The following PFKP variants were observed in gnomAD, a reference collection of about 807,000 sequenced individuals.
PFKP encodes ATP-dependent 6-phosphofructokinase, platelet type.
A neutral mutation model predicts 94.3 loss-of-function variants in PFKP; 101 were observed. That is an observed-to-expected ratio of 1.07 (90% CI 0.91 to 1.26). The LOEUF (loss-of-function observed/expected upper bound fraction) is 1.26. Among genes scored for constraint, PFKP ranks in the 50% most tolerant of loss-of-function variants. The pLI, the probability that PFKP is intolerant of heterozygous loss-of-function variation, is 0.00. For missense variants in PFKP, 1,145 were observed against 1,103.3 expected (o/e 1.04, Z -0.53); for synonymous variants, 573 against 432.6 (o/e 1.32, Z -4.03).
intron 16 of PFKP, among the ~76,000 whole-genome samples, chr10:3,125,965 G>A (rs1837903280): frequency 6.6e-6 from 1 of 152,324 alleles, no homozygotes; most frequent in South Asian, 2.1e-4. Context: ...TGGCCACCTG[G>A]TGCGAGGGAC....
intron 9 of PFKP, among the ~76,000 whole-genome samples, 195 bp downstream of exon 9, chr10:3,108,988 G>A (rs111743996): frequency 0.016 from 2,448 of 152,304 alleles, 65 homozygotes; most frequent in African/African-American, 0.056. Flanking sequence ...CAGATGCGGG[G>A]AGAGCTCCCT....
At chr10:3,094,563 G>C (rs1320352631) in intron 2 of PFKP, among the ~76,000 whole-genome samples, 2 of 152,158 alleles carry the variant, frequency 1.3e-5, no homozygotes. Context: ...GGTGAGCAGG[G>C]CTTGGGATGT....
Position 3,125,061 on chromosome 10 carries a change from G to A in PFKP, c.1684-4758G>A, listed in dbSNP as rs563335506. The A allele has an allele frequency of 2.0e-4, 238 of 1,190,354 alleles. 1 individual carries two copies. In the East Asian group the frequency reaches 3.1e-3, roughly 16 times the overall value. The allele number at this position is 1,190,354 out of a possible 1,614,324, so 73.7% of individuals were successfully genotyped here. On this transcript the variant is annotated intron_variant, in intron 16 of 21. Coordinates refer to ENST00000381125, the MANE Select transcript of PFKP (RefSeq NM_002627.5). ...CCCTGGGGCTGGCAGGTGAGCACCC[G>A]GCACCCCCGCTAACCGCTTGGCCCT...
intron 5 of PFKP, 176 bp from the exon 6 acceptor site, chr10:3,104,939 G>A: frequency 1.5e-6 from 1 of 686,228 alleles, no homozygotes; most frequent in East Asian, 2.7e-5. Context: ...CATAGCGTTT[G>A]CCTTAGTAGA....
intron 20 of PFKP, among the ~76,000 whole-genome samples, 190 bp from the exon 21 acceptor site, chr10:3,135,546 C>G (rs750715557): frequency 1.3e-5 from 2 of 152,214 alleles, no homozygotes; most frequent in African/African-American, 2.4e-5. Flanking sequence ...TCGGGGCAGT[C>G]CCACAGGAGC....
chr10:3,100,579 C>A (rs1433325326), intron 3 of PFKP, among the ~76,000 whole-genome samples: 1 of 152,162 alleles, frequency 6.6e-6, no homozygotes, highest in Non-Finnish European at 1.5e-5. Context: ...AGACCGAAGG[C>A]AGGGAGAGCT....
chr10:3,129,732 T>C, intron 16 of PFKP, 87 bp from the exon 17 acceptor site: 2 of 1,436,042 alleles, frequency 1.4e-6, no homozygotes, highest in Non-Finnish European at 1.9e-6. Flanking sequence ...TGGGGGGGCC[T>C]TGCTGCACTC....
intron 17 of PFKP, among the ~76,000 whole-genome samples, chr10:3,131,359 ACATGACT>A (rs1168089496): frequency 6.6e-6 from 1 of 152,222 alleles, no homozygotes; most frequent in Admixed American, 6.5e-5. Flanking sequence ...TCCCCCTGTT[ACATGACT>A]CATGACCGTA....
chr10:3,128,063 C>T (rs9423694), intron 16 of PFKP, among the ~76,000 whole-genome samples: 4,771 of 152,204 alleles, frequency 0.031, 131 homozygotes, highest in Non-Finnish European at 0.052. Context: ...CATGGAGGCC[C>T]ATTAGGGAAT....
At chr10:3,112,340 C>A in intron 11 of PFKP, 54 bp downstream of exon 11, 1 of 1,346,740 alleles carries the variant, frequency 7.4e-7, no homozygotes, top group Non-Finnish European at 1.1e-6. Context: ...CCCCTCAGGC[C>A]CAGCCACTGC....
chr10:3,082,236 C>T (rs1399026025), intron 1 of PFKP, 152 bp from the exon 2 acceptor site: 2 of 483,592 alleles, frequency 4.1e-6, no homozygotes, highest in Admixed American at 7.3e-5. Flanking sequence ...TAGTCCTTAC[C>T]CTAATCCCAG....
intron 1 of PFKP, among the ~76,000 whole-genome samples, chr10:3,069,649 G>A (rs533285166): frequency 5.1e-4 from 77 of 152,236 alleles, no homozygotes; most frequent in African/African-American, 1.7e-3. Flanking sequence ...TTGGGAGGCC[G>A]AGGCAGGAGG....
At chr10:3,069,817 C>A (rs980081249) in intron 1 of PFKP, among the ~76,000 whole-genome samples, 20 of 152,140 alleles carry the variant, frequency 1.3e-4, no homozygotes, top group Admixed American at 4.6e-4. Context: ...TGCTAAAATG[C>A]GCGGGAGTTT....
At chr10:3,116,671 T>C (rs1047879277) in intron 13 of PFKP, 105 bp from the exon 14 acceptor site, 18 of 849,256 alleles carry the variant, frequency 2.1e-5, no homozygotes, top group African/African-American at 5.0e-5. Context: ...CTCAAATCTT[T>C]ACCGGAATGC....
chr10:3,117,367 A>AT (rs998691897), intron 14 of PFKP, among the ~76,000 whole-genome samples: 1 of 152,174 alleles, frequency 6.6e-6, no homozygotes, highest in East Asian at 1.9e-4. Flanking sequence ...GGACAATGGG[A>AT]TTTCCTAATG....
Position 3,094,911 on chromosome 10 carries a change from C to G in PFKP, c.187-4364C>G, listed in dbSNP as rs570644468. 6.6e-5 allele frequency among the ~76,000 whole-genome samples: 10 copies of G among 152,324 alleles called. No homozygotes were observed. The East Asian group carries it at 1.7e-3, about 26-fold the overall frequency. On this transcript the variant is annotated intron_variant, in intron 2 of 21. Transcript: ENST00000381125. ...AAAAAAAATAGTATTTACTCAGAAG[C>G]AGCAAAGCCCCTACATCTCTGGATG...
At position 3,133,208 on chromosome 10, in the gene PFKP, A is replaced by G; in HGVS notation, c.1916A>G (p.Glu639Gly). 1.9e-6 allele frequency: 3 copies of G among 1,612,452 alleles called. No individual in the cohort carries two copies. The highest frequency in any genetic ancestry group is 1.7e-6 in the Non-Finnish European group (2 of 1,178,488). Residue 639 changes from glutamate to glycine, a missense_variant, in exon 19 of 22, where the codon GAG becomes GGG. Physicochemically the swap from Glu to Gly is moderately conservative, Grantham distance 98. Coordinates refer to ENST00000381125, the MANE Select transcript of PFKP (RefSeq NM_002627.5). ...CTCCTTCTCGCTCGTTTCAGAAATG[A>G]GAGCTGCAGTGAAAACTACACCACC... ...TIQRGLVLRN[E>G]SCSENYTTDF...
chr10:3,131,633 T>G (rs1157615949), intron 17 of PFKP, among the ~76,000 whole-genome samples: 1 of 151,982 alleles, frequency 6.6e-6, no homozygotes, highest in Non-Finnish European at 1.5e-5. Flanking sequence ...ATTTTTTGTA[T>G]TTTTAGTAGA....
chr10:3,100,390 A>G (rs542858514), intron 3 of PFKP, among the ~76,000 whole-genome samples: 82 of 151,362 alleles, frequency 5.4e-4, no homozygotes, highest in African/African-American at 2.0e-3. Flanking sequence ...AGTTTTTGTA[A>G]CCTTTTCATA....
Sources: gnomAD v4.1 joint callset for allele counts (sites outside exome capture counted in the v4.1 genomes callset) on GRCh38, gnomAD v4.1.1 for gene constraint, MANE v1.5 for transcripts, NCBI Gene and HGNC (gene_info 2026-07-23, HGNC 2026-07-21) for gene names.